The following HMG20A variants were observed in gnomAD, a reference collection of about 807,000 sequenced individuals.
The protein encoded by HMG20A is high mobility group 20A, also known as high mobility group protein 20A.
A neutral mutation model predicts 43.9 loss-of-function variants in HMG20A; 17 were observed. The ratio of observed to expected loss-of-function variants is 0.39; its 90% confidence interval spans 0.27 to 0.58. The LOEUF is 0.58. HMG20A is among the 20% of genes least tolerant of loss of function. The pLI is 0.59. For synonymous variants in HMG20A, 132 were observed against 147.5 expected (o/e 0.89, Z 0.76); for missense variants, 341 against 438.2 (o/e 0.78, Z 1.98).
At chr15:77,444,832 G>A (rs930001631) in intron 1 of HMG20A, among the ~76,000 whole-genome samples, 2 of 152,174 alleles carry the variant, frequency 1.3e-5, no homozygotes, top group Non-Finnish European at 2.9e-5. Context: ...AAACTGTAAA[G>A]CATGTTACAG....
the HMG20A span, among the ~76,000 whole-genome samples, chr15:77,496,086 C>G: frequency 1.3e-5 from 2 of 152,036 alleles, no homozygotes; most frequent in Admixed American, 6.5e-5. Flanking sequence ...TGGAAGATGC[C>G]GGAGCCTCAG....
the HMG20A span, among the ~76,000 whole-genome samples, chr15:77,517,844 G>T: frequency 6.6e-6 from 1 of 152,116 alleles, no homozygotes; most frequent in Non-Finnish European, 1.5e-5. Context: ...AAACGCTCAG[G>T]TTCTGCAAAC....
At chr15:77,500,673 G>T in the HMG20A span, among the ~76,000 whole-genome samples, 3 of 151,432 alleles carry the variant, frequency 2.0e-5, no homozygotes, top group African/African-American at 7.3e-5. Flanking sequence ...AGTTCAAGCG[G>T]TTCTCCTGCC....
intron 1 of HMG20A, among the ~76,000 whole-genome samples, chr15:77,442,809 G>A (rs1253869098): frequency 6.6e-6 from 1 of 152,004 alleles, no homozygotes; most frequent in Non-Finnish European, 1.5e-5. Context: ...CTGGCAAAAA[G>A]GGAATTTTAG....
At chr15:77,458,312 A>T in intron 1 of HMG20A, 92 bp from the exon 2 acceptor site, 1 of 775,634 alleles carries the variant, frequency 1.3e-6, no homozygotes, top group South Asian at 1.6e-5. Context: ...TGCTTATATG[A>T]TAAAGTTCAA....
the HMG20A span, among the ~76,000 whole-genome samples, chr15:77,493,136 T>A: frequency 1.3e-5 from 2 of 152,164 alleles, no homozygotes; most frequent in African/African-American, 2.4e-5. Flanking sequence ...GCCTAGTATC[T>A]AGTGGAAGAA....
the HMG20A span, among the ~76,000 whole-genome samples, chr15:77,516,016 C>T: frequency 6.6e-6 from 1 of 152,068 alleles, no homozygotes; most frequent in Admixed American, 6.5e-5. Flanking sequence ...TTGGGCCACC[C>T]AGGGAGGCAT....
At chr15:77,465,383 T>G (rs1417778350) in intron 3 of HMG20A, among the ~76,000 whole-genome samples, 2 of 149,932 alleles carry the variant, frequency 1.3e-5, no homozygotes, top group Non-Finnish European at 3.0e-5. Context: ...TGAAATTAAA[T>G]TGTTCTGTTG....
intron 1 of HMG20A, among the ~76,000 whole-genome samples, chr15:77,426,963 T>C (rs1432009652): frequency 1.3e-5 from 2 of 152,190 alleles, no homozygotes; most frequent in Non-Finnish European, 2.9e-5. Context: ...TACAGAGGTA[T>C]TAACAAAGGA....
the HMG20A span, among the ~76,000 whole-genome samples, chr15:77,497,989 C>A: frequency 6.6e-6 from 1 of 152,060 alleles, no homozygotes; most frequent in Non-Finnish European, 1.5e-5. Flanking sequence ...CAAGCTGGAG[C>A]TGTAAGTGGA....
intron 1 of HMG20A, among the ~76,000 whole-genome samples, chr15:77,434,479 T>C (rs2073524110): frequency 6.6e-6 from 1 of 152,152 alleles, no homozygotes; most frequent in African/African-American, 2.4e-5. Context: ...AATACATATT[T>C]GTAATACATG....
chr15:77,517,158 C>T, the HMG20A span, among the ~76,000 whole-genome samples: 2 of 152,214 alleles, frequency 1.3e-5, no homozygotes, highest in Non-Finnish European at 2.9e-5. Flanking sequence ...CACGGGCATC[C>T]CTATCACTTA....
In HMG20A at chr15:77,458,385, T is replaced by A. The variant is rs771900934; in HGVS notation, c.-4-19T>A. On this transcript the variant is annotated intron_variant, in intron 1 of 9. Coordinates refer to ENST00000336216, the MANE Select transcript of HMG20A (RefSeq NM_001304504.2). ...AGTAATTAAGCCATTAATTTTTTTT[T>A]ATTCTCTTTTCCTTTCAGAGAGATG... The A allele has an allele frequency of 7.1e-6, 11 of 1,552,920 alleles. No individual in the cohort carries two copies. In the South Asian group the frequency reaches 1.0e-4, roughly 14 times the overall value.
At chr15:77,464,914 T>C (rs2072740801) in intron 3 of HMG20A, 1 of 152,256 alleles carries the variant, frequency 6.6e-6, no homozygotes, top group Non-Finnish European at 1.5e-5. Context: ...CACTCTTTTT[T>C]TTTTTTAAGC....
In HMG20A at chr15:77,456,444, G is replaced by A. The variant is rs190342428; in HGVS notation, c.-4-1960G>A. 3.3e-5 allele frequency among the ~76,000 whole-genome samples: 5 copies of A among 152,170 alleles called. No individual in the cohort carries two copies. The East Asian group carries it at 7.7e-4, about 23-fold the overall frequency. Reference sequence around the variant, plus strand: ...ACCTGTAATCCTAACACTTTGGGAGGCCGAAGTGGGCGGATCACTTGAGGC... The same window carrying A: ...ACCTGTAATCCTAACACTTTGGGAGACCGAAGTGGGCGGATCACTTGAGGC... On this transcript the variant is annotated intron_variant, in intron 1 of 9. Coordinates refer to ENST00000336216, the MANE Select transcript of HMG20A (RefSeq NM_001304504.2).
chr15:77,492,282 A>G, the HMG20A span, among the ~76,000 whole-genome samples: 2 of 152,228 alleles, frequency 1.3e-5, no homozygotes, highest in Non-Finnish European at 2.9e-5. Context: ...TGCAATGTCT[A>G]TAATATAGTA....
chr15:77,451,784 G>A (rs887214915), intron 1 of HMG20A, among the ~76,000 whole-genome samples: 1 of 152,186 alleles, frequency 6.6e-6, no homozygotes, highest in African/African-American at 2.4e-5. Context: ...TCAAGGAAAG[G>A]GGGTGTCTGC....
the HMG20A span, among the ~76,000 whole-genome samples, chr15:77,494,415 G>A: frequency 6.6e-6 from 1 of 152,196 alleles, no homozygotes; most frequent in Non-Finnish European, 1.5e-5. Flanking sequence ...ACAGGCATGA[G>A]TCACCATACC....
At chr15:77,455,482 C>G (rs2072645374) in intron 1 of HMG20A, among the ~76,000 whole-genome samples, 1 of 151,618 alleles carries the variant, frequency 6.6e-6, no homozygotes, top group Admixed American at 6.6e-5. Context: ...TTCCAAAGCT[C>G]AGGTCCAGAC....
Sources: gnomAD v4.1 joint callset for allele counts (sites outside exome capture counted in the v4.1 genomes callset) on GRCh38, gnomAD v4.1.1 for gene constraint, MANE v1.5 for transcripts, NCBI Gene and HGNC (gene_info 2026-07-23, HGNC 2026-07-21) for gene names.